The following PDE11A variants were observed in gnomAD, a reference collection of about 807,000 sequenced individuals.
The protein encoded by PDE11A is dual 3',5'-cyclic-AMP and -GMP phosphodiesterase 11A.
In PDE11A, 100 loss-of-function variants were observed where a neutral mutation model predicts 100.5. The ratio of observed to expected loss-of-function variants is 1.00; its 90% confidence interval spans 0.85 to 1.18. PDE11A has a LOEUF of 1.18. Ranked by LOEUF, PDE11A falls within the 50% of genes most tolerant of loss-of-function variation. The pLI is 0.00. For missense variants in PDE11A, 1,141 were observed against 1,152.6 expected (o/e 0.99, Z 0.15); for synonymous variants, 381 against 420.8 (o/e 0.91, Z 1.16).
At chr2:177,683,992 G>T (rs2080905787) in intron 15 of PDE11A, among the ~76,000 whole-genome samples, 1 of 152,152 alleles carries the variant, frequency 6.6e-6, no homozygotes, top group Admixed American at 6.5e-5. Context: ...TGAAGCTATG[G>T]TTAATTTGTA....
At position 177,916,455 on chromosome 2, in the gene PDE11A, C is replaced by T. The variant is rs185211965; in HGVS notation, c.1072-11268G>A. ...CCACATCTGCTACCTTTCAGACCCA[C>T]GTTTCAGTCTCTAATCCAGACACAG... On this transcript the variant is annotated intron_variant, in intron 2 of 19. Transcript: ENST00000286063. 2.7e-3 allele frequency among the ~76,000 whole-genome samples: 415 copies of T among 152,312 alleles called. 2 individuals carry two copies. Among genetic ancestry groups the T allele is most frequent in the Non-Finnish European group, 7.3e-4 (50 of 68,030 alleles).
intron 2 of PDE11A, among the ~76,000 whole-genome samples, chr2:178,004,794 C>T (rs2086185534): frequency 6.6e-6 from 1 of 152,242 alleles, no homozygotes; most frequent in African/African-American, 2.4e-5. Context: ...CCTAGATGTG[C>T]CAGAGTCCTG....
chr2:177,898,024 A>G (rs753214380), intron 4 of PDE11A, 34 bp downstream of exon 4: 1 of 1,530,978 alleles, frequency 6.5e-7, no homozygotes, highest in Non-Finnish European at 9.1e-7. Context: ...CCATTCACAC[A>G]GTCTTCAACT....
intron 19 of PDE11A, among the ~76,000 whole-genome samples, chr2:177,646,434 A>C (rs191744799): frequency 1.3e-5 from 2 of 152,216 alleles, no homozygotes; most frequent in South Asian, 4.1e-4. Flanking sequence ...ACCTGATTAC[A>C]ACTCAGAATG....
chr2:177,854,538 T>C lies in PDE11A; in HGVS notation c.1368-14155A>G, dbSNP rs181597719. ...GGAGTATATTTACAAAATAGGGTTA[T>C]TTGTGGGGGAAAATATGGAATCCCA... On this transcript the variant is annotated intron_variant, in intron 5 of 19. Transcript: ENST00000286063. 3.4e-3 allele frequency among the ~76,000 whole-genome samples: 511 copies of C among 152,170 alleles called. 5 individuals carry two copies. The highest frequency in any genetic ancestry group is 5.3e-3 in the Non-Finnish European group (361 of 67,972).
chr2:177,786,096 C>T (rs1387024651), intron 9 of PDE11A, among the ~76,000 whole-genome samples: 1 of 152,180 alleles, frequency 6.6e-6, no homozygotes, highest in Admixed American at 6.5e-5. Flanking sequence ...CAAGTGGGTC[C>T]CTGACCCCTG....
At chr2:178,094,545 G>A (rs1054502473) in intron 2 of PDE11A, among the ~76,000 whole-genome samples, 3 of 151,884 alleles carry the variant, frequency 2.0e-5, no homozygotes, top group African/African-American at 4.8e-5. Flanking sequence ...AAACAAAAAC[G>A]AAATGTTAAA....
intron 2 of PDE11A, among the ~76,000 whole-genome samples, chr2:177,991,954 G>C (rs35691613): frequency 0.1 from 15,524 of 151,040 alleles, 1,409 homozygotes; most frequent in Non-Finnish European, 0.15. Context: ...ATTTCTAACT[G>C]TTCTCTAAAT....
chr2:177,646,050 A>G (rs1366503382), intron 19 of PDE11A, among the ~76,000 whole-genome samples: 1 of 152,192 alleles, frequency 6.6e-6, no homozygotes. Context: ...AATAATATTC[A>G]CAAATGACAT....
intron 2 of PDE11A, among the ~76,000 whole-genome samples, chr2:178,096,741 A>C (rs752233586): frequency 3.5e-4 from 53 of 152,226 alleles, no homozygotes; most frequent in Non-Finnish European, 7.1e-4. Flanking sequence ...TTCATTGTCC[A>C]CATCACTGTC....
intron 10 of PDE11A, among the ~76,000 whole-genome samples, chr2:177,760,470 G>C (rs546687010): frequency 6.6e-6 from 1 of 152,212 alleles, no homozygotes; most frequent in African/African-American, 2.4e-5. Flanking sequence ...ATCTTGAACA[G>C]AGCTTGAATT....
At chr2:177,950,136 A>T (rs374186331) in intron 2 of PDE11A, among the ~76,000 whole-genome samples, 1 of 152,168 alleles carries the variant, frequency 6.6e-6, no homozygotes, top group Non-Finnish European at 1.5e-5. Flanking sequence ...CCAAATTACA[A>T]AAGCAATTTT....
At chr2:177,786,618 G>A (rs1207737745) in intron 9 of PDE11A, among the ~76,000 whole-genome samples, 2 of 152,040 alleles carry the variant, frequency 1.3e-5, no homozygotes, top group Non-Finnish European at 2.9e-5. Flanking sequence ...CAAACCAAAG[G>A]CAAAGAAGTT....
At chr2:177,869,480 T>C (rs2084089785) in intron 5 of PDE11A, among the ~76,000 whole-genome samples, 2 of 152,228 alleles carry the variant, frequency 1.3e-5, no homozygotes, top group South Asian at 4.1e-4. Flanking sequence ...GTCTCCGACT[T>C]TTCCCTTCTG....
intron 2 of PDE11A, among the ~76,000 whole-genome samples, chr2:177,962,263 C>T (rs1332530062): frequency 6.6e-6 from 1 of 151,922 alleles, no homozygotes; most frequent in African/African-American, 2.4e-5. Flanking sequence ...ACTTCACATT[C>T]CACAGTGTTT....
At chr2:177,852,413 A>G (rs76384157) in intron 5 of PDE11A, among the ~76,000 whole-genome samples, 20 of 152,184 alleles carry the variant, frequency 1.3e-4, no homozygotes, top group Admixed American at 5.9e-4. Flanking sequence ...ATATGATAGT[A>G]TTTGACATTT....
intron 2 of PDE11A, among the ~76,000 whole-genome samples, chr2:177,977,631 G>T (rs542500850): frequency 2.8e-4 from 26 of 92,574 alleles, no homozygotes; most frequent in Middle Eastern, 4.8e-3. Context: ...GCATTGCCAA[G>T]TCAATCCTAA....
chr2:177,856,218 G>A (rs1056861148), intron 5 of PDE11A, among the ~76,000 whole-genome samples: 1 of 152,020 alleles, frequency 6.6e-6, no homozygotes, highest in Non-Finnish European at 1.5e-5. Context: ...AGACTTCAAA[G>A]AATTAGTTCT....
intron 1 of PDE11A, among the ~76,000 whole-genome samples, chr2:178,019,762 G>A (rs1476328984): frequency 6.6e-6 from 1 of 152,166 alleles, no homozygotes; most frequent in African/African-American, 2.4e-5. Flanking sequence ...CTGATGAATT[G>A]GTTGGGAGGG....
Sources: allele counts gnomAD v4.1 joint callset (sites outside exome capture counted in the v4.1 genomes callset), GRCh38; gene constraint gnomAD v4.1.1; transcripts MANE v1.5; gene names NCBI Gene and HGNC (gene_info 2026-07-23, HGNC 2026-07-21).